The following SEC31A variants were observed in gnomAD, a reference collection of about 807,000 sequenced individuals.
SEC31A encodes the protein protein transport protein Sec31A.
SEC31A carries 70 observed loss-of-function variants against 151.0 expected under a neutral mutation model. That is an observed-to-expected ratio of 0.46 (90% CI 0.38 to 0.57). The LOEUF is 0.57. SEC31A is among the 20% of genes least tolerant of loss of function. The probability of loss-of-function intolerance (pLI) is 0.00; values close to 1 mark genes in which losing one functional copy is unlikely to be tolerated. For synonymous variants in SEC31A, 475 were observed against 505.9 expected, an observed-to-expected ratio of 0.94 and a Z score of 0.82; for missense variants, 1,330 against 1,471.2, an observed-to-expected ratio of 0.90 and a Z score of 1.57.
At chr4:82,851,014 T>C (rs1039745594) in intron 19 of SEC31A, among the ~76,000 whole-genome samples, 3 of 152,218 alleles carry the variant, frequency 2.0e-5, no homozygotes, top group African/African-American at 7.2e-5. Context: ...TGAACTTCAA[T>C]ACTATCTGGG....
At chr4:82,829,284 T>C (rs1725361467) in intron 22 of SEC31A, 4 of 435,408 alleles carry the variant, frequency 9.2e-6, no homozygotes, top group South Asian at 5.7e-5. Context: ...CTTGACACTG[T>C]TTCCATTTAA....
In SEC31A at chr4:82,827,608, C is replaced by A. The variant is rs139815059; in HGVS notation, c.3052G>T (p.Val1018Phe). Reference protein sequence around the residue: ...KKMPENFMPPVPITSPIMNPL... With the variant: ...KKMPENFMPPFPITSPIMNPL... ...TTCATGATTGGTGATGTGATGGGAA[C>A]AGGAGGCATGAAGTTTTCAGGCATC... The change falls in exon 24 of 27, where the codon GTT becomes TTT. Residue 1018 changes from valine to phenylalanine, a missense_variant. By Grantham distance (50) the Val-to-Phe change is conservative (BLOSUM62 -1). Coordinates refer to ENST00000395310, the MANE Select transcript of SEC31A (RefSeq NM_001077207.4). The A allele has an allele frequency of 1.2e-6, 2 of 1,614,062 alleles. No individual in the cohort carries two copies. The highest frequency in any genetic ancestry group is 1.3e-5 in the African/African-American group (1 of 75,054).
chr4:82,839,151 A>AT (rs745527138), intron 22 of SEC31A, among the ~76,000 whole-genome samples: 85 of 140,940 alleles, frequency 6.0e-4, no homozygotes, highest in Non-Finnish European at 8.5e-4. Context: ...TAATTTTTGT[A>AT]TTTTTTTTTC....
chr4:82,869,229 C>G (rs1736090293), intron 8 of SEC31A, among the ~76,000 whole-genome samples: 1 of 151,958 alleles, frequency 6.6e-6, no homozygotes, highest in Non-Finnish European at 1.5e-5. Flanking sequence ...ATCCCATTCT[C>G]CTGCCTCAGC....
chr4:82,821,679 T>G (rs897400282), intron 25 of SEC31A, among the ~76,000 whole-genome samples: 1 of 148,056 alleles, frequency 6.8e-6, no homozygotes, highest in East Asian at 2.0e-4. Flanking sequence ...CATGAAAGAG[T>G]ACTGATTGGA....
At chr4:82,848,313 CA>C (rs10655108) in intron 20 of SEC31A, among the ~76,000 whole-genome samples, 27 of 142,378 alleles carry the variant, frequency 1.9e-4, no homozygotes, top group African/African-American at 4.6e-4. Context: ...CTAAATTGTC[CA>C]AAAAAAAAAA....
chr4:82,826,952 TTATCTC>T (rs1164231948), intron 24 of SEC31A, among the ~76,000 whole-genome samples: 1 of 152,258 alleles, frequency 6.6e-6, no homozygotes, highest in African/African-American at 2.4e-5. Flanking sequence ...TAAAAAATGT[TTATCTC>T]TATCTGATGA....
intron 12 of SEC31A, 114 bp from the exon 13 acceptor site, chr4:82,862,686 A>C: frequency 2.4e-6 from 2 of 827,076 alleles, no homozygotes; most frequent in South Asian, 3.2e-5. Context: ...TTATAGGAAT[A>C]GTATGTTTAA....
chr4:82,879,855 T>A (rs904293731), intron 3 of SEC31A, among the ~76,000 whole-genome samples: 1 of 152,156 alleles, frequency 6.6e-6, no homozygotes, highest in African/African-American at 2.4e-5. Context: ...GTATTAGAAA[T>A]CGTGTCAACA....
At chr4:82,888,299 C>T (rs1479670931) in intron 1 of SEC31A, among the ~76,000 whole-genome samples, 2 of 129,554 alleles carry the variant, frequency 1.5e-5, no homozygotes, top group African/African-American at 3.1e-5. Context: ...TCGCTTGAAC[C>T]CGGGAGGCAG....
At chr4:82,869,011 A>C (rs953871182) in intron 8 of SEC31A, among the ~76,000 whole-genome samples, 4 of 152,170 alleles carry the variant, frequency 2.6e-5, no homozygotes, top group Non-Finnish European at 5.9e-5. Context: ...AAAGGTATTT[A>C]GCCTGCTCAC....
At chr4:82,853,490 A>G in intron 18 of SEC31A, 80 bp downstream of exon 18, 5 of 1,199,726 alleles carry the variant, frequency 4.2e-6, no homozygotes, top group Non-Finnish European at 5.7e-6. Flanking sequence ...GAAAAAATGA[A>G]CTTATAGATT....
In SEC31A at chr4:82,848,978, CT is replaced by C. The variant is rs1417289518; in HGVS notation, c.2329-2del. On this transcript the variant is annotated splice_acceptor_variant, in intron 19 of 26. Transcript: ENST00000395310. LOFTEE classifies it high-confidence loss of function. ...TGTCACGAAGCTGCATGATATTTGG[CT>C]AAAAAGGATTGGAAAAACAGCAGAC... The C allele has an allele frequency of 6.2e-7, 1 of 1,610,846 alleles. No individual in the cohort carries two copies. The highest frequency in any genetic ancestry group is 8.5e-7 in the Non-Finnish European group (1 of 1,178,750).
upstream of SEC31A, chr4:82,893,726 G>T (rs1719940868): frequency 6.6e-6 from 1 of 152,118 alleles, no homozygotes; most frequent in Non-Finnish European, 1.5e-5. Context: ...ACTTCAAAAA[G>T]TTTGTGGAAA....
At chr4:82,825,119 C>T (rs1244655977) in intron 24 of SEC31A, among the ~76,000 whole-genome samples, 1 of 152,176 alleles carries the variant, frequency 6.6e-6, no homozygotes, top group Non-Finnish European at 1.5e-5. Flanking sequence ...GTTAACTGGG[C>T]TGTGATCAAA....
chr4:82,840,898 T>C (rs969480243), intron 22 of SEC31A, among the ~76,000 whole-genome samples: 10 of 152,150 alleles, frequency 6.6e-5, no homozygotes, highest in Non-Finnish European at 1.5e-4. Flanking sequence ...TCTGGGTGAG[T>C]TGTGAGTGAA....
At chr4:82,840,246 T>C (rs1030979916) in intron 22 of SEC31A, among the ~76,000 whole-genome samples, 5 of 152,168 alleles carry the variant, frequency 3.3e-5, no homozygotes, top group Non-Finnish European at 5.9e-5. Context: ...ATGAGCTCAA[T>C]AAATGTTAAT....
intron 14 of SEC31A, among the ~76,000 whole-genome samples, chr4:82,860,333 T>A (rs934208021): frequency 1.3e-5 from 2 of 152,234 alleles, no homozygotes; most frequent in African/African-American, 4.8e-5. Context: ...ACTATTTCAT[T>A]AAATGCATAT....
chr4:82,842,686 T>C (rs1221771436), intron 21 of SEC31A: 2 of 516,056 alleles, frequency 3.9e-6, no homozygotes, highest in African/African-American at 1.9e-5. Context: ...ATTTGAAAAA[T>C]GCCATCCCCA....
Sources: allele counts gnomAD v4.1 joint callset (sites outside exome capture counted in the v4.1 genomes callset), GRCh38; gene constraint gnomAD v4.1.1; transcripts MANE v1.5; gene names NCBI Gene and HGNC (gene_info 2026-07-23, HGNC 2026-07-21).